ANKRD30A: variants seen among roughly 807,000 people sequenced by gnomAD.
ANKRD30A encodes the protein ankyrin repeat domain 30A, also known as ankyrin repeat domain-containing protein 30A.
Under a neutral mutation model 166.3 loss-of-function variants are expected in ANKRD30A, and 170 were observed. The ratio of observed to expected loss-of-function variants is 1.02; its 90% CI spans 0.90 to 1.16. The LOEUF is 1.16. Ranked by LOEUF, ANKRD30A falls within the 50% of genes most tolerant of loss-of-function variation. The probability of loss-of-function intolerance (pLI) is 0.00; values close to 1 mark genes in which losing one functional copy is unlikely to be tolerated. For missense variants in ANKRD30A, 1,630 were observed against 1,518.0 expected (o/e 1.07, Z -1.23); for synonymous variants, 564 against 508.9 (o/e 1.11, Z -1.46).
chr10:37,133,526 T>C (rs1489684435), intron 4 of ANKRD30A, among the ~76,000 whole-genome samples: 1 of 152,228 alleles, frequency 6.6e-6, no homozygotes, highest in Non-Finnish European at 1.5e-5. Flanking sequence ...ACTACTAATA[T>C]CATTATTCCT....
chr10:37,143,909 T>G (rs1837330242), intron 7 of ANKRD30A, among the ~76,000 whole-genome samples: 1 of 150,754 alleles, frequency 6.6e-6, no homozygotes, highest in African/African-American at 2.4e-5. Flanking sequence ...TAGTTCATGC[T>G]ATAGTCTTTT....
At chr10:37,193,898 C>T (rs1840819255) in intron 27 of ANKRD30A, among the ~76,000 whole-genome samples, 1 of 152,080 alleles carries the variant, frequency 6.6e-6, no homozygotes, top group South Asian at 2.1e-4. Flanking sequence ...TGAACGTTTA[C>T]AACATTTTAC....
At chr10:37,153,812 C>T in intron 13 of ANKRD30A, 150 bp downstream of exon 13, 2 of 1,150,234 alleles carry the variant, frequency 1.7e-6, no homozygotes, top group Non-Finnish European at 2.5e-6. Flanking sequence ...TTGTATGTCT[C>T]ATCAGGTGTT....
At chr10:37,232,201 G>A (rs1015374905) in intron 35 of ANKRD30A, among the ~76,000 whole-genome samples, 1 of 151,466 alleles carries the variant, frequency 6.6e-6, no homozygotes, top group Admixed American at 6.6e-5. Flanking sequence ...ACACTTAAAT[G>A]ATTCATTTTT....
intron 34 of ANKRD30A, among the ~76,000 whole-genome samples, chr10:37,228,466 C>T (rs1843261972): frequency 6.6e-6 from 1 of 151,884 alleles, no homozygotes; most frequent in Non-Finnish European, 1.5e-5. Context: ...TAGTGAATGC[C>T]AGATTGATTA....
At chr10:37,136,888 AGT>A (rs1836733077) in intron 6 of ANKRD30A, among the ~76,000 whole-genome samples, 1 of 151,122 alleles carries the variant, frequency 6.6e-6, no homozygotes, top group African/African-American at 2.4e-5. Flanking sequence ...ATTCAGAATT[AGT>A]TAAGAATTTA....
intron 3 of ANKRD30A, among the ~76,000 whole-genome samples, chr10:37,131,290 C>T (rs1836364940): frequency 6.6e-6 from 1 of 151,738 alleles, no homozygotes; most frequent in Non-Finnish European, 1.5e-5. Flanking sequence ...GATATTTTGC[C>T]AAAAATTAAA....
chr10:37,189,971 A>T (rs66521306), intron 25 of ANKRD30A, among the ~76,000 whole-genome samples: 15 of 151,838 alleles, frequency 9.9e-5, no homozygotes, highest in South Asian at 2.1e-4. Flanking sequence ...AAGAATATAA[A>T]GTGACCTTCT....
At chr10:37,172,582 G>A (rs1391599540) in intron 21 of ANKRD30A, among the ~76,000 whole-genome samples, 1 of 123,476 alleles carries the variant, frequency 8.1e-6, no homozygotes, top group Non-Finnish European at 1.7e-5. Flanking sequence ...AAGCATTCAA[G>A]TCAGGTAACG....
chr10:37,162,726 T>C (rs765042261), intron 16 of ANKRD30A, 49 bp downstream of exon 16: 9 of 1,613,038 alleles, frequency 5.6e-6, no homozygotes, highest in African/African-American at 1.3e-5. Context: ...TCTATGTATT[T>C]TGTGAAGTAT....
At chr10:37,126,783 C>T (rs1836046916) in intron 1 of ANKRD30A, among the ~76,000 whole-genome samples, 1 of 152,028 alleles carries the variant, frequency 6.6e-6, no homozygotes, top group African/African-American at 2.4e-5. Context: ...AGTGGTGGCT[C>T]ACGCCTGTGA....
At chr10:37,206,570 A>G (rs1393787387) in intron 31 of ANKRD30A, among the ~76,000 whole-genome samples, 1 of 152,172 alleles carries the variant, frequency 6.6e-6, no homozygotes, top group Non-Finnish European at 1.5e-5. Context: ...CGGGCAGATC[A>G]CTTGGGGTCA....
intron 13 of ANKRD30A, among the ~76,000 whole-genome samples, chr10:37,157,464 C>A (rs528980794): frequency 6.6e-6 from 1 of 152,282 alleles, no homozygotes; most frequent in Non-Finnish European, 1.5e-5. Flanking sequence ...CTCCTGGGTT[C>A]AAGTGATTCT....
At position 37,165,121 on chromosome 10, in the gene ANKRD30A, A is replaced by G. The variant is rs556001243; in HGVS notation, c.2030A>G (p.Gln677Arg). Reference protein sequence around the residue: ...ADEILPSESKQKDYEENSWDT... With the variant: ...ADEILPSESKRKDYEENSWDT... ...GAGATACTCCCATCAGAATCCAAAC[A>G]AAAGGACTATGAAGAAAATTCTTGG... The change falls in exon 18 of 36, where the codon CAA (glutamine) becomes CGA (arginine). Residue 677 changes from glutamine to arginine, a missense_variant. Gln to Arg is a conservative substitution (Grantham distance 43, BLOSUM62 1). Coordinates refer to ENST00000361713, the MANE Select transcript of ANKRD30A (RefSeq NM_052997.3). The G allele has an allele frequency of 2.4e-5, 38 of 1,609,244 alleles. No individual in the cohort carries two copies. The East Asian group carries it at 8.5e-4, about 36-fold the overall frequency.
At position 37,134,234 on chromosome 10, in the gene ANKRD30A, A is replaced by G. The variant is rs117931192; in HGVS notation, c.755+181A>G. Among the ~76,000 whole-genome samples, 19 of 152,222 alleles carry G rather than the reference A, an allele frequency of 1.2e-4. No individual in the cohort carries two copies. In the East Asian group the frequency reaches 2.3e-3, roughly 19 times the overall value. On this transcript the variant is annotated intron_variant, in intron 5 of 35. Coordinates refer to ENST00000361713, the MANE Select transcript of ANKRD30A (RefSeq NM_052997.3). ...CAACAACTTTATCCCTAGGGATCCT[A>G]ATGTTGTCTACTTGATTTTTCTAAT...
At chr10:37,209,446 A>T (rs1842164029) in intron 31 of ANKRD30A, among the ~76,000 whole-genome samples, 1 of 152,100 alleles carries the variant, frequency 6.6e-6, no homozygotes, top group Non-Finnish European at 1.5e-5. Flanking sequence ...GGGAGGTGCC[A>T]TGCATGTTTA....
At chr10:37,222,813 C>A (rs1842958065) in intron 34 of ANKRD30A, among the ~76,000 whole-genome samples, 1 of 151,278 alleles carries the variant, frequency 6.6e-6, no homozygotes. Flanking sequence ...TGGTGCAGAA[C>A]AATTTAACTT....
downstream of ANKRD30A, among the ~76,000 whole-genome samples, chr10:37,236,968 A>T (rs1148263): frequency 0.52 from 78,319 of 151,960 alleles, 20,615 homozygotes; most frequent in South Asian, 0.78. Context: ...ATTGACTACC[A>T]CTCACTGATG....
intron 30 of ANKRD30A, among the ~76,000 whole-genome samples, chr10:37,200,551 C>T (rs1026404689): frequency 2.0e-5 from 3 of 152,000 alleles, no homozygotes; most frequent in African/African-American, 7.2e-5. Flanking sequence ...AGTCAATAGA[C>T]AGGTAGATTT....
Sources: allele counts gnomAD v4.1 joint callset (sites outside exome capture counted in the v4.1 genomes callset), GRCh38; gene constraint gnomAD v4.1.1; transcripts MANE v1.5; gene names NCBI Gene and HGNC (gene_info 2026-07-23, HGNC 2026-07-21).